The following NEGR1 variants were observed in gnomAD, a reference collection of about 807,000 sequenced individuals.
NEGR1 encodes the protein neuronal growth regulator 1.
In NEGR1, 10 loss-of-function variants were observed where a neutral mutation model predicts 40.9. The ratio of observed to expected loss-of-function variants is 0.24; its 90% CI spans 0.15 to 0.42. The LOEUF is 0.42. Among genes scored for constraint, NEGR1 ranks in the 10% least tolerant of loss-of-function variants. The probability of loss-of-function intolerance (pLI) is 1.00; values close to 1 mark genes in which losing one functional copy is unlikely to be tolerated. For synonymous variants in NEGR1, 185 were observed against 166.8 expected (o/e 1.11, Z -0.84); for missense variants, 352 against 438.9 (o/e 0.80, Z 1.77).
intron 6 of NEGR1, among the ~76,000 whole-genome samples, chr1:71,457,227 T>A (rs1372567798): frequency 1.3e-5 from 2 of 152,170 alleles, no homozygotes; most frequent in African/African-American, 4.8e-5. Context: ...TTCTCCCCAC[T>A]ACCTGGCTGC....
At chr1:71,763,970 T>C (rs1007780074) in intron 3 of NEGR1, among the ~76,000 whole-genome samples, 4 of 152,134 alleles carry the variant, frequency 2.6e-5, no homozygotes, top group Non-Finnish European at 4.4e-5. Context: ...TGCCAAGCCT[T>C]GTGCTAAGCC....
chr1:72,241,687 T>G (rs939997457), intron 1 of NEGR1, among the ~76,000 whole-genome samples: 4 of 151,608 alleles, frequency 2.6e-5, no homozygotes, highest in African/African-American at 9.7e-5. Context: ...CATGAAGAAG[T>G]GCAGTGATAT....
intron 2 of NEGR1, among the ~76,000 whole-genome samples, chr1:71,788,806 A>G (rs554601457): frequency 2.0e-5 from 3 of 152,124 alleles, no homozygotes; most frequent in South Asian, 4.1e-4. Context: ...ACAGATTTAT[A>G]TATTATTCAT....
chr1:71,916,833 TAGAC>T (rs1661599622), intron 2 of NEGR1, among the ~76,000 whole-genome samples: 1 of 152,168 alleles, frequency 6.6e-6, no homozygotes, highest in Admixed American at 6.5e-5. Context: ...AACTTATCAT[TAGAC>T]AGATTATTCC....
At chr1:72,216,564 T>A (rs1205081250) in intron 1 of NEGR1, among the ~76,000 whole-genome samples, 1 of 151,004 alleles carries the variant, frequency 6.6e-6, no homozygotes, top group East Asian at 1.9e-4. Flanking sequence ...TATCTAATTA[T>A]CAAATATTGT....
intron 1 of NEGR1, among the ~76,000 whole-genome samples, chr1:72,015,357 T>G (rs1486114): frequency 0.24 from 36,368 of 152,054 alleles, 5,974 homozygotes; most frequent in African/African-American, 0.46. Flanking sequence ...TGTATACAAT[T>G]TTGTGGTCAC....
chr1:71,759,902 G>A (rs11587068), intron 3 of NEGR1, among the ~76,000 whole-genome samples: 1 of 151,548 alleles, frequency 6.6e-6, no homozygotes, highest in Non-Finnish European at 1.5e-5. Context: ...AACCACCGTG[G>A]CTGGCCCAAG....
At chr1:72,254,762 G>A (rs1655211664) in intron 1 of NEGR1, among the ~76,000 whole-genome samples, 1 of 150,700 alleles carries the variant, frequency 6.6e-6, no homozygotes, top group Non-Finnish European at 1.5e-5. Flanking sequence ...CAATAGCCAG[G>A]ACAACGTTGA....
chr1:71,745,837 A>G (rs1200774281), intron 3 of NEGR1, among the ~76,000 whole-genome samples: 1 of 152,182 alleles, frequency 6.6e-6, no homozygotes, highest in Non-Finnish European at 1.5e-5. Flanking sequence ...AAAGCCAACC[A>G]TAAAGCCTAA....
chr1:72,181,103 G>A (rs1416939107), intron 1 of NEGR1, among the ~76,000 whole-genome samples: 1 of 152,130 alleles, frequency 6.6e-6, no homozygotes, highest in Non-Finnish European at 1.5e-5. Context: ...TAGAACCATA[G>A]GCATTGGCCT....
At chr1:71,467,673 A>C (rs1283625813) in intron 6 of NEGR1, among the ~76,000 whole-genome samples, 1 of 151,566 alleles carries the variant, frequency 6.6e-6, no homozygotes. Context: ...CTGAGGATGA[A>C]ACATTTTATA....
chr1:71,617,581 A>T (rs1650486687), intron 4 of NEGR1, among the ~76,000 whole-genome samples: 1 of 152,186 alleles, frequency 6.6e-6, no homozygotes, highest in Non-Finnish European at 1.5e-5. Context: ...CCATGACTTG[A>T]CAGCTTTCTG....
At chr1:72,064,643 A>G (rs1647232201) in intron 1 of NEGR1, among the ~76,000 whole-genome samples, 1 of 152,246 alleles carries the variant, frequency 6.6e-6, no homozygotes, top group Non-Finnish European at 1.5e-5. Flanking sequence ...ATGTTTCAAA[A>G]GGATATGCTC....
intron 6 of NEGR1, among the ~76,000 whole-genome samples, chr1:71,509,436 G>A (rs1301523039): frequency 6.6e-6 from 1 of 152,188 alleles, no homozygotes; most frequent in African/African-American, 2.4e-5. Context: ...ACCCACATCC[G>A]ACATGCCACT....
At chr1:72,091,913 G>C (rs965114941) in intron 1 of NEGR1, among the ~76,000 whole-genome samples, 6 of 152,110 alleles carry the variant, frequency 3.9e-5, no homozygotes, top group African/African-American at 1.4e-4. Flanking sequence ...GTGTGTGTGT[G>C]TGTCTTATTA....
intron 1 of NEGR1, among the ~76,000 whole-genome samples, chr1:72,030,303 T>G (rs2100437267): frequency 6.6e-6 from 1 of 151,978 alleles, no homozygotes; most frequent in East Asian, 1.9e-4. Context: ...CCCTCCAGGG[T>G]TTAAATGATT....
intron 6 of NEGR1, among the ~76,000 whole-genome samples, chr1:71,460,579 G>A (rs1646707987): frequency 6.6e-6 from 1 of 152,138 alleles, no homozygotes; most frequent in African/African-American, 2.4e-5. Flanking sequence ...TATTATATCA[G>A]ATAATATGAT....
At chr1:72,071,682 A>G (rs1359418983) in intron 1 of NEGR1, among the ~76,000 whole-genome samples, 2 of 152,112 alleles carry the variant, frequency 1.3e-5, no homozygotes, top group Admixed American at 1.3e-4. Context: ...CTTTTGCACT[A>G]TGTTTGATAA....
intron 1 of NEGR1, among the ~76,000 whole-genome samples, chr1:72,095,159 T>TAA (rs1360002758): frequency 6.6e-6 from 1 of 152,172 alleles, no homozygotes; most frequent in East Asian, 1.9e-4. Flanking sequence ...AAATATCCAT[T>TAA]AAAATTCACA....
Sources: gnomAD v4.1 joint callset for allele counts (sites outside exome capture counted in the v4.1 genomes callset) on GRCh38, gnomAD v4.1.1 for gene constraint, MANE v1.5 for transcripts, NCBI Gene and HGNC (gene_info 2026-07-23, HGNC 2026-07-21) for gene names.